The following HS3ST4 variants were observed in gnomAD, a reference collection of about 807,000 sequenced individuals.
HS3ST4 encodes the protein heparan sulfate-glucosamine 3-sulfotransferase 4, also known as heparan sulfate glucosamine 3-O-sulfotransferase 4.
HS3ST4 carries 17 observed loss-of-function variants against 29.2 expected under a neutral mutation model. That is an observed-to-expected ratio of 0.58 (90% CI 0.40 to 0.87). The LOEUF (loss-of-function observed/expected upper bound fraction) is 0.87, where lower values mean the gene tolerates loss of function less well. HS3ST4 is among the 40% of genes least tolerant of loss of function. The pLI, the probability that HS3ST4 is intolerant of heterozygous loss-of-function variation, is 0.00. For synonymous variants in HS3ST4, 314 were observed against 285.7 expected (o/e 1.10, Z -1.00); for missense variants, 627 against 634.5 (o/e 0.99, Z 0.13).
intron 1 of HS3ST4, among the ~76,000 whole-genome samples, chr16:25,878,405 T>A (rs1401909377): frequency 6.6e-6 from 1 of 152,198 alleles, no homozygotes; most frequent in Non-Finnish European, 1.5e-5. Context: ...GTTTGTTTAA[T>A]GATGCTCAGA....
At chr16:25,924,077 A>G (rs945439780) in intron 1 of HS3ST4, among the ~76,000 whole-genome samples, 1 of 152,230 alleles carries the variant, frequency 6.6e-6, no homozygotes, top group African/African-American at 2.4e-5. Flanking sequence ...CAACATGCCC[A>G]AAGACTAGAC....
rs374130586 is a variant in HS3ST4 at position 25,700,502 on chromosome 16, T to C, written c.734+7351T>C. ...TCTCTAGACATCCTAACATGATTTA[T>C]TTATTTTTATTTTTTATTTTTGAAA... On this transcript the variant is annotated intron_variant, in intron 1 of 1. Transcript: ENST00000331351. Among the ~76,000 whole-genome samples, 176 of 152,344 alleles carry C rather than the reference T, an allele frequency of 1.2e-3. 2 individuals carry two copies. The South Asian group carries it at 0.019, about 16-fold the overall frequency.
At chr16:25,950,769 G>A (rs1439665751) in intron 1 of HS3ST4, among the ~76,000 whole-genome samples, 1 of 152,110 alleles carries the variant, frequency 6.6e-6, no homozygotes, top group East Asian at 1.9e-4. Context: ...GATCAGCTGA[G>A]CTTGAGTTCC....
chr16:25,752,030 G>T, intron 1 of HS3ST4, among the ~76,000 whole-genome samples: 1 of 151,874 alleles, frequency 6.6e-6, no homozygotes, highest in East Asian at 1.9e-4. Flanking sequence ...ATTAAACCTG[G>T]GACTGTCTGA....
intron 1 of HS3ST4, among the ~76,000 whole-genome samples, chr16:25,735,635 C>T (rs1234112930): frequency 6.6e-6 from 1 of 152,168 alleles, no homozygotes; most frequent in East Asian, 1.9e-4. Context: ...AAGCAGTCCT[C>T]CTGCCGTGGC....
At chr16:26,008,250 G>C (rs963921021) in intron 1 of HS3ST4, among the ~76,000 whole-genome samples, 2 of 152,316 alleles carry the variant, frequency 1.3e-5, no homozygotes, top group Middle Eastern at 6.8e-3. Context: ...AGGAGATCTG[G>C]CTAGGAATAA....
At chr16:26,130,413 T>TATTC (rs1297358241) in intron 1 of HS3ST4, among the ~76,000 whole-genome samples, 10 of 152,198 alleles carry the variant, frequency 6.6e-5, no homozygotes, top group Admixed American at 5.2e-4. Context: ...AGAGACCATG[T>TATTC]ATTCATTGGA....
intron 1 of HS3ST4, among the ~76,000 whole-genome samples, chr16:25,942,833 G>T (rs1968585608): frequency 6.6e-6 from 1 of 151,976 alleles, no homozygotes; most frequent in African/African-American, 2.4e-5. Flanking sequence ...TGTTGCCCAG[G>T]CTGGTCTTGA....
intron 1 of HS3ST4, among the ~76,000 whole-genome samples, chr16:26,076,587 C>T (rs949397704): frequency 3.9e-5 from 6 of 152,170 alleles, no homozygotes; most frequent in African/African-American, 1.4e-4. Context: ...TTGGTTCTCC[C>T]ACTCACTACC....
chr16:25,779,593 C>T (rs1966850846), intron 1 of HS3ST4, among the ~76,000 whole-genome samples: 2 of 152,160 alleles, frequency 1.3e-5, no homozygotes, highest in Admixed American at 6.5e-5. Flanking sequence ...TCAAAAGTGT[C>T]CCTTGTAGGA....
intron 1 of HS3ST4, among the ~76,000 whole-genome samples, chr16:25,942,466 C>T (rs1464346203): frequency 6.6e-6 from 1 of 152,130 alleles, no homozygotes; most frequent in Non-Finnish European, 1.5e-5. Context: ...CATTCAAAAT[C>T]CTTTCTCAAA....
intron 1 of HS3ST4, among the ~76,000 whole-genome samples, chr16:25,782,453 G>A (rs1387975700): frequency 6.6e-6 from 1 of 152,172 alleles, no homozygotes; most frequent in African/African-American, 2.4e-5. Flanking sequence ...TTTCACGACA[G>A]CTCTCTCTAG....
chr16:25,991,641 T>C (rs1202156283), intron 1 of HS3ST4, among the ~76,000 whole-genome samples: 1 of 152,218 alleles, frequency 6.6e-6, no homozygotes, highest in Non-Finnish European at 1.5e-5. Context: ...ACTAGGAATG[T>C]GCTGGGCTAT....
intron 1 of HS3ST4, among the ~76,000 whole-genome samples, chr16:25,806,847 A>T (rs1246247289): frequency 6.6e-6 from 1 of 152,086 alleles, no homozygotes; most frequent in Admixed American, 6.5e-5. Context: ...ATATGTGTGC[A>T]TATGGGTGCG....
At chr16:26,076,195 G>A (rs529910864) in intron 1 of HS3ST4, among the ~76,000 whole-genome samples, 5 of 152,210 alleles carry the variant, frequency 3.3e-5, no homozygotes, top group East Asian at 1.9e-4. Context: ...CAGGAATAAC[G>A]TGAGAGAGAG....
intron 1 of HS3ST4, 94 bp downstream of exon 1, chr16:25,693,245 C>G (rs545671839): frequency 2.2e-6 from 3 of 1,349,038 alleles, no homozygotes; most frequent in African/African-American, 3.0e-5. Context: ...ATCCAGGCAC[C>G]GTCCCGAGAG....
intron 1 of HS3ST4, among the ~76,000 whole-genome samples, chr16:26,072,978 G>A (rs1462873363): frequency 1.3e-5 from 2 of 152,166 alleles, no homozygotes; most frequent in South Asian, 2.1e-4. Context: ...CCTTTAAAAA[G>A]AGAAAAGAGC....
At chr16:25,741,365 TAAAAA>T (rs66788248) in intron 1 of HS3ST4, among the ~76,000 whole-genome samples, 2 of 66,194 alleles carry the variant, frequency 3.0e-5, no homozygotes, top group African/African-American at 1.2e-4. Flanking sequence ...GAATTCAAGG[TAAAAA>T]AAAAAAAAAA....
intron 1 of HS3ST4, among the ~76,000 whole-genome samples, chr16:25,762,476 A>C (rs1390151809): frequency 6.6e-6 from 1 of 152,138 alleles, no homozygotes; most frequent in Non-Finnish European, 1.5e-5. Flanking sequence ...CAGCCGACAG[A>C]AGGAGGGTGC....
Sources: gnomAD v4.1 joint callset for allele counts (sites outside exome capture counted in the v4.1 genomes callset) on GRCh38, gnomAD v4.1.1 for gene constraint, MANE v1.5 for transcripts, NCBI Gene and HGNC (gene_info 2026-07-23, HGNC 2026-07-21) for gene names.